The following CCDC7 variants were observed in gnomAD, a reference collection of about 807,000 sequenced individuals.
CCDC7 encodes coiled-coil domain containing 7.
Under a neutral mutation model 196.9 loss-of-function variants are expected in CCDC7, and 183 were observed. The observed-to-expected ratio is 0.93, with a 90% CI of 0.82 to 1.05. The LOEUF is 1.05. Among genes scored for constraint, CCDC7 ranks in the 50% least tolerant of loss-of-function variants. The pLI, the probability that CCDC7 is intolerant of heterozygous loss-of-function variation, is 0.00. For missense variants in CCDC7, 1,540 were observed against 1,482.2 expected (o/e 1.04, Z -0.64); for synonymous variants, 525 against 484.6 (o/e 1.08, Z -1.10).
At position 32,528,723 on chromosome 10, in the gene CCDC7, C is replaced by T. The variant is rs147813238; in HGVS notation, c.993+10218C>T. ...ATATATATGTATATATACATATATA[C>T]GTATTTACGTATATATGTATATATA... On this transcript the variant is annotated intron_variant, in intron 11 of 41. Transcript: ENST00000639629. Among the ~76,000 whole-genome samples, 17 of 140,144 alleles carry T rather than the reference C, an allele frequency of 1.2e-4. 1 individual carries two copies. Among genetic ancestry groups the T allele is most frequent in the Non-Finnish European group, 1.8e-4 (12 of 65,144 alleles). The allele number at this position is 140,144 out of a possible 152,430, so 91.9% of individuals were successfully genotyped here.
chr10:32,623,002 C>T (rs998242912), intron 18 of CCDC7, among the ~76,000 whole-genome samples: 6 of 152,120 alleles, frequency 3.9e-5, no homozygotes, highest in East Asian at 1.9e-4. Context: ...GATGACAATT[C>T]GCAAACTCTC....
chr10:32,501,752 C>T (rs1316359975), intron 9 of CCDC7, among the ~76,000 whole-genome samples: 1 of 152,230 alleles, frequency 6.6e-6, no homozygotes, highest in Non-Finnish European at 1.5e-5. Context: ...CCAGCCAGAG[C>T]TCTCCTGTAT....
At chr10:32,762,395 A>AAT (rs750869071) in intron 28 of CCDC7, among the ~76,000 whole-genome samples, 46 of 151,584 alleles carry the variant, frequency 3.0e-4, no homozygotes, top group Non-Finnish European at 4.7e-4. Flanking sequence ...ATATATAATA[A>AAT]ATATATATAT....
At chr10:32,769,215 CT>C (rs1565450587) in intron 28 of CCDC7, among the ~76,000 whole-genome samples, 1 of 151,978 alleles carries the variant, frequency 6.6e-6, no homozygotes, top group African/African-American at 2.4e-5. Flanking sequence ...ATTTCTGTTT[CT>C]TCCTGGTTCA....
chr10:32,639,247 G>C (rs989348985), intron 20 of CCDC7, among the ~76,000 whole-genome samples: 6 of 152,056 alleles, frequency 3.9e-5, no homozygotes, highest in Non-Finnish European at 7.4e-5. Flanking sequence ...GTTCTGCTCT[G>C]ATCTTAGTTA....
chr10:32,689,954 C>T (rs56212947), intron 23 of CCDC7, among the ~76,000 whole-genome samples: 11,545 of 152,106 alleles, frequency 0.076, 531 homozygotes, highest in East Asian at 0.16. Flanking sequence ...AGGCTGGTCT[C>T]GAACTCCTGA....
rs763354741 is a variant in CCDC7, at chr10:32,848,746, T to C, written c.3895+28T>C. The C allele has an allele frequency of 2.1e-6, 3 of 1,433,992 alleles. No homozygotes were observed. The South Asian group carries it at 3.6e-5, about 17-fold the overall frequency. 88.8% of individuals were successfully genotyped at this position (1,433,992 alleles called of 1,614,324 possible). Reference sequence around the variant, plus strand: ...AAAGAATTATGTATGTAGATATGAATTCAGTATCTAATTACCTAGAATAGT... The same window carrying C: ...AAAGAATTATGTATGTAGATATGAACTCAGTATCTAATTACCTAGAATAGT... On this transcript the variant is annotated intron_variant, in intron 39 of 41. Coordinates refer to ENST00000639629, the Ensembl canonical transcript of CCDC7.
chr10:32,598,761 T>G (rs78975840), intron 18 of CCDC7, among the ~76,000 whole-genome samples: 7,869 of 152,310 alleles, frequency 0.052, 669 homozygotes, highest in African/African-American at 0.18. Context: ...TTAAAAATTA[T>G]ATTAGAAAAG....
intron 18 of CCDC7, among the ~76,000 whole-genome samples, chr10:32,607,213 G>A (rs902430221): frequency 1.3e-5 from 2 of 152,168 alleles, no homozygotes; most frequent in Non-Finnish European, 2.9e-5. Flanking sequence ...AAGGCCTCAT[G>A]AGAAGCTGAG....
intron 11 of CCDC7, among the ~76,000 whole-genome samples, chr10:32,519,944 C>T (rs1286530008): frequency 6.6e-6 from 1 of 151,992 alleles, no homozygotes; most frequent in Non-Finnish European, 1.5e-5. Flanking sequence ...GATTTTTAAC[C>T]CCCACGAATA....
intron 20 of CCDC7, among the ~76,000 whole-genome samples, chr10:32,652,076 T>C (rs1265213802): frequency 1.3e-5 from 2 of 152,208 alleles, no homozygotes; most frequent in Non-Finnish European, 2.9e-5. Flanking sequence ...ATATTTGCTT[T>C]ATATGTTTAG....
chr10:32,585,719 G>A lies in CCDC7; in HGVS notation c.1801+1415G>A, dbSNP rs572810996. Among the ~76,000 whole-genome samples the A allele has an allele frequency of 1.4e-3, 220 of 152,224 alleles. 1 individual carries two copies. Among genetic ancestry groups the A allele is most frequent in the African/African-American group, 5.0e-3 (209 of 41,532 alleles). ...AGGATGTGAACTCATCCTTTTTATG[G>A]CTGCATAGTATTCCACGGTGTATAT... On this transcript the variant is annotated intron_variant, in intron 18 of 41. Coordinates refer to ENST00000639629, the Ensembl canonical transcript of CCDC7.
intron 32 of CCDC7, among the ~76,000 whole-genome samples, chr10:32,829,865 T>G (rs2091909633): frequency 6.6e-6 from 1 of 151,770 alleles, no homozygotes; most frequent in East Asian, 1.9e-4. Flanking sequence ...TCTAATCAGC[T>G]GCCAGTGTGG....
chr10:32,633,752 GTA>G (rs386371139), intron 18 of CCDC7, among the ~76,000 whole-genome samples: 2 of 149,090 alleles, frequency 1.3e-5, no homozygotes, highest in South Asian at 2.1e-4. Context: ...GTGTGTGTGT[GTA>G]TATATATATG....
At chr10:32,622,481 T>G (rs1447676434) in intron 18 of CCDC7, among the ~76,000 whole-genome samples, 1 of 151,972 alleles carries the variant, frequency 6.6e-6, no homozygotes, top group Non-Finnish European at 1.5e-5. Flanking sequence ...ACTGCAGTGA[T>G]AGTAAAGATG....
rs559404611 is a variant in CCDC7 at position 32,806,317 on chromosome 10, C to T, written c.3097+1219C>T. Among the ~76,000 whole-genome samples, 3 of 152,138 alleles carry T rather than the reference C, an allele frequency of 2.0e-5. No individual in the cohort carries two copies. In the South Asian group the frequency reaches 6.2e-4, roughly 32 times the overall value. ...TATGTCTAAAATGTCCAGTTTTCAG[C>T]ATAAAAGTATGAGTTATTCTAATAA... On this transcript the variant is annotated intron_variant, in intron 30 of 41. Transcript: ENST00000639629.
chr10:32,601,334 G>A (rs1287265807), intron 18 of CCDC7, among the ~76,000 whole-genome samples: 1 of 152,158 alleles, frequency 6.6e-6, no homozygotes, highest in Non-Finnish European at 1.5e-5. Flanking sequence ...GCCTCCCAAA[G>A]TGCTGGGATT....
At chr10:32,800,937 A>G (rs1017894800) in intron 29 of CCDC7, among the ~76,000 whole-genome samples, 11 of 152,242 alleles carry the variant, frequency 7.2e-5, no homozygotes, top group African/African-American at 1.4e-4. Flanking sequence ...TAATTAGCCA[A>G]TGCCAGAGCT....
At chr10:32,569,586 C>T in intron 15 of CCDC7, among the ~76,000 whole-genome samples, 1 of 152,050 alleles carries the variant, frequency 6.6e-6, no homozygotes. Flanking sequence ...GACACCATGC[C>T]TGGCTAATTT....
Sources: gnomAD v4.1 joint callset for allele counts (sites outside exome capture counted in the v4.1 genomes callset) on GRCh38, gnomAD v4.1.1 for gene constraint, MANE v1.5 for transcripts, NCBI Gene and HGNC (gene_info 2026-07-23, HGNC 2026-07-21) for gene names.